The following MAGI3 variants were observed in gnomAD, a reference collection of about 807,000 sequenced individuals.
MAGI3 encodes the protein membrane associated guanylate kinase, WW and PDZ domain containing 3, also known as membrane-associated guanylate kinase, WW and PDZ domain-containing protein 3.
Under a neutral mutation model 121.8 loss-of-function variants are expected in MAGI3, and 43 were observed. That is an observed-to-expected ratio of 0.35 (90% CI 0.28 to 0.46). The LOEUF is 0.46. MAGI3 is among the 20% of genes least tolerant of loss of function. The pLI, the probability that MAGI3 is intolerant of heterozygous loss-of-function variation, is 1.00. For missense variants in MAGI3, 1,547 were observed against 1,797.3 expected (o/e 0.86, Z 2.52); for synonymous variants, 553 against 639.3 (o/e 0.86, Z 2.04).
At chr1:113,622,356 T>C (rs375005348) in intron 8 of MAGI3, among the ~76,000 whole-genome samples, 3 of 146,182 alleles carry the variant, frequency 2.1e-5, no homozygotes, top group South Asian at 2.2e-4. Flanking sequence ...TATTTTTTTT[T>C]CCTAAATTAT....
chr1:113,466,595 C>T (rs1195534793), intron 1 of MAGI3, among the ~76,000 whole-genome samples: 1 of 152,104 alleles, frequency 6.6e-6, no homozygotes, highest in Non-Finnish European at 1.5e-5. Flanking sequence ...TCAATAGAGC[C>T]ATAAGGTTCC....
chr1:113,566,118 C>G (rs549332681), intron 2 of MAGI3, among the ~76,000 whole-genome samples: 1 of 152,060 alleles, frequency 6.6e-6, no homozygotes, highest in Non-Finnish European at 1.5e-5. Context: ...ATAAATCAAC[C>G]GCAGCTCTCA....
intron 2 of MAGI3, among the ~76,000 whole-genome samples, chr1:113,564,554 G>C (rs1461725407): frequency 6.6e-6 from 1 of 152,036 alleles, no homozygotes; most frequent in Admixed American, 6.6e-5. Flanking sequence ...ACTTGATACA[G>C]ATGTCTGATA....
In MAGI3 at chr1:113,671,721, C is replaced by A; in HGVS notation, c.2816-13C>A. On this transcript the variant is annotated splice_polypyrimidine_tract_variant and intron_variant, in intron 16 of 20. Coordinates refer to ENST00000307546, the MANE Select transcript of MAGI3 (RefSeq NM_001142782.2). ...TACAAATTCTTATTTCTATTGTTTTCTCATTTGAACAGAGCATCATGGTCC... is the reference window on the plus strand; with the variant it reads ...TACAAATTCTTATTTCTATTGTTTTATCATTTGAACAGAGCATCATGGTCC... 6.2e-7 allele frequency: 1 copy of A among 1,612,682 alleles called. No individual in the cohort carries two copies. Among genetic ancestry groups the A allele is most frequent in the Non-Finnish European group, 8.5e-7 (1 of 1,178,966 alleles).
chr1:113,426,708 A>G (rs1416364862), intron 1 of MAGI3, among the ~76,000 whole-genome samples: 1 of 152,158 alleles, frequency 6.6e-6, no homozygotes, highest in Non-Finnish European at 1.5e-5. Context: ...GATTTAGCTA[A>G]TTCAGCTTTT....
intron 1 of MAGI3, among the ~76,000 whole-genome samples, chr1:113,486,220 T>C (rs1467351704): frequency 6.6e-6 from 1 of 152,178 alleles, no homozygotes; most frequent in African/African-American, 2.4e-5. Context: ...GGTATTTTGA[T>C]ACTGCATTGA....
chr1:113,445,139 T>A (rs897802004), intron 1 of MAGI3, among the ~76,000 whole-genome samples: 2 of 151,990 alleles, frequency 1.3e-5, no homozygotes, highest in African/African-American at 4.8e-5. Context: ...ACATAAACAT[T>A]GTTGGAGTCC....
At chr1:113,425,865 G>T (rs566547826) in intron 1 of MAGI3, among the ~76,000 whole-genome samples, 1 of 152,132 alleles carries the variant, frequency 6.6e-6, no homozygotes, top group South Asian at 2.1e-4. Context: ...ACCTTCCAAA[G>T]AACCAGCTTT....
chr1:113,602,978 A>G (rs1473764584), intron 6 of MAGI3, among the ~76,000 whole-genome samples: 2 of 152,080 alleles, frequency 1.3e-5, no homozygotes, highest in African/African-American at 2.4e-5. Flanking sequence ...ACATATATAT[A>G]TATGTGTATA....
intron 9 of MAGI3, among the ~76,000 whole-genome samples, chr1:113,639,375 G>A (rs116090552): frequency 4.6e-5 from 7 of 152,088 alleles, no homozygotes; most frequent in African/African-American, 7.2e-5. Flanking sequence ...CGGCCATCTC[G>A]GCTCCCACCT....
chr1:113,538,434 C>T (rs1659106730), intron 1 of MAGI3, among the ~76,000 whole-genome samples: 1 of 152,164 alleles, frequency 6.6e-6, no homozygotes, highest in Non-Finnish European at 1.5e-5. Flanking sequence ...GTGTGCCAGC[C>T]AGGCATTGGT....
chr1:113,672,924 G>C (rs901781759), intron 18 of MAGI3, among the ~76,000 whole-genome samples, 183 bp downstream of exon 18: 1 of 152,202 alleles, frequency 6.6e-6, no homozygotes, highest in Non-Finnish European at 1.5e-5. Context: ...TGAAAGAAAA[G>C]TTTCCCCTAC....
chr1:113,598,512 A>G (rs1649162984), intron 6 of MAGI3, among the ~76,000 whole-genome samples: 1 of 152,180 alleles, frequency 6.6e-6, no homozygotes, highest in South Asian at 2.1e-4. Context: ...TGGAAACTCA[A>G]AGTGAGCAGG....
At chr1:113,504,395 C>G (rs1657206104) in intron 1 of MAGI3, among the ~76,000 whole-genome samples, 4 of 151,930 alleles carry the variant, frequency 2.6e-5, no homozygotes, top group Admixed American at 2.0e-4. Flanking sequence ...GGATAATGGG[C>G]AAAGGATATG....
intron 1 of MAGI3, among the ~76,000 whole-genome samples, chr1:113,537,547 C>T (rs988262188): frequency 1.3e-5 from 2 of 152,242 alleles, no homozygotes; most frequent in Non-Finnish European, 2.9e-5. Context: ...TGATAGCTCA[C>T]GTAAACTGGG....
At chr1:113,651,607 C>G (rs1485628580) in intron 14 of MAGI3, among the ~76,000 whole-genome samples, 1 of 152,154 alleles carries the variant, frequency 6.6e-6, no homozygotes, top group Admixed American at 6.5e-5. Flanking sequence ...ATTCTCCTGC[C>G]TCAGCCTCCT....
intron 1 of MAGI3, among the ~76,000 whole-genome samples, chr1:113,507,639 T>C (rs970132650): frequency 6.6e-6 from 1 of 152,220 alleles, no homozygotes; most frequent in Admixed American, 6.5e-5. Context: ...ACAGATAATG[T>C]CTTGATTTTT....
intron 1 of MAGI3, among the ~76,000 whole-genome samples, chr1:113,416,413 TTAA>T (rs1317147348): frequency 6.7e-5 from 2 of 29,862 alleles, no homozygotes; most frequent in African/African-American, 1.9e-4. Context: ...TAATTAATAA[TTAA>T]TAATTAATAA....
intron 1 of MAGI3, among the ~76,000 whole-genome samples, chr1:113,416,284 T>TATTAGTTATGTA (rs1553182699): frequency 3.6e-5 from 1 of 27,864 alleles, no homozygotes; most frequent in African/African-American, 2.1e-4. Context: ...TAATTACACA[T>TATTAGTTATGTA]ATTAATTATG....
Sources: allele counts gnomAD v4.1 joint callset (sites outside exome capture counted in the v4.1 genomes callset), GRCh38; gene constraint gnomAD v4.1.1; transcripts MANE v1.5; gene names NCBI Gene and HGNC (gene_info 2026-07-23, HGNC 2026-07-21).